Variants in B3GALT1 observed in about 807,000 individuals in gnomAD.
The protein encoded by B3GALT1 is beta-1,3-galactosyltransferase 1.
In B3GALT1, 10 loss-of-function variants were observed where a neutral mutation model predicts 23.2. The ratio of observed to expected loss-of-function variants is 0.43; its 90% CI spans 0.27 to 0.73. B3GALT1 has a LOEUF of 0.73. B3GALT1 is among the 30% of genes least tolerant of loss of function. The probability of loss-of-function intolerance (pLI) is 0.21; values close to 1 mark genes in which losing one functional copy is unlikely to be tolerated. For missense variants in B3GALT1, 299 were observed against 405.4 expected, an observed-to-expected ratio of 0.74 and a Z score of 2.25; for synonymous variants, 156 against 141.5, an observed-to-expected ratio of 1.10 and a Z score of -0.73.
At chr2:167,471,732 A>G (rs1380423673) in intron 1 of B3GALT1, among the ~76,000 whole-genome samples, 3 of 152,222 alleles carry the variant, frequency 2.0e-5, no homozygotes, top group African/African-American at 7.2e-5. Context: ...ATTAATAAAT[A>G]CACCACATAT....
At chr2:167,369,061 T>TTTTGTG (rs1697636734) in intron 1 of B3GALT1, among the ~76,000 whole-genome samples, 2 of 147,468 alleles carry the variant, frequency 1.4e-5, no homozygotes, top group African/African-American at 2.6e-5. Flanking sequence ...AAACTCTTAT[T>TTTTGTG]TGTGTGTGTG....
chr2:167,790,954 A>G (rs565680297), intron 3 of B3GALT1, among the ~76,000 whole-genome samples: 15 of 152,048 alleles, frequency 9.9e-5, no homozygotes, highest in African/African-American at 3.4e-4. Flanking sequence ...TTATTACATT[A>G]TTTTCTTCTA....
chr2:167,510,660 G>T (rs1364278224), intron 2 of B3GALT1, among the ~76,000 whole-genome samples: 2 of 151,954 alleles, frequency 1.3e-5, no homozygotes, highest in Non-Finnish European at 2.9e-5. Context: ...GATTTTCAGG[G>T]TTTTCACCTG....
In B3GALT1 at chr2:167,567,385, G is replaced by A. The variant is rs534632372; in HGVS notation, c.-410+77108G>A. Among the ~76,000 whole-genome samples, 13 of 152,108 alleles carry A rather than the reference G, an allele frequency of 8.5e-5. No individual in the cohort carries two copies. The South Asian group carries it at 2.5e-3, about 29-fold the overall frequency. On this transcript the variant is annotated intron_variant, in intron 2 of 4. Coordinates refer to ENST00000392690, the MANE Select transcript of B3GALT1 (RefSeq NM_020981.4). Reference sequence around the variant, plus strand: ...TTTTTATTTAGTTTTGATAATCCAAGGCCATCTCAAGGATGTATTAAGCTC... The same window carrying A: ...TTTTTATTTAGTTTTGATAATCCAAAGCCATCTCAAGGATGTATTAAGCTC...
At chr2:167,384,934 A>G (rs542320942) in intron 1 of B3GALT1, among the ~76,000 whole-genome samples, 39 of 151,952 alleles carry the variant, frequency 2.6e-4, no homozygotes, top group Middle Eastern at 3.4e-3. Flanking sequence ...TTTGAGCCCC[A>G]TCTCCCTCCA....
chr2:167,571,318 G>T (rs532117529), intron 2 of B3GALT1, among the ~76,000 whole-genome samples: 73 of 152,040 alleles, frequency 4.8e-4, no homozygotes, highest in Non-Finnish European at 8.8e-4. Context: ...CCTCTCCAAT[G>T]ATTTAGGCAC....
intron 1 of B3GALT1, among the ~76,000 whole-genome samples, chr2:167,456,723 C>T (rs181515233): frequency 7.9e-5 from 12 of 152,150 alleles, no homozygotes; most frequent in Middle Eastern, 3.4e-3. Context: ...AAGGATACAA[C>T]GCAAGAACAG....
Position 167,590,017 on chromosome 2 carries a change from T to C in B3GALT1, c.-409-56892T>C, listed in dbSNP as rs79144236. 8.0e-3 allele frequency among the ~76,000 whole-genome samples: 1,220 copies of C among 152,234 alleles called. 5 individuals are homozygous for C. Among genetic ancestry groups the C allele is most frequent in the South Asian group, 0.016 (79 of 4,824 alleles). ...TCTTTGAAAATCTTTTGTATTGTGT[T>C]GACAGCTGCTAACCACCTTACATCC... On this transcript the variant is annotated intron_variant, in intron 2 of 4. Coordinates refer to ENST00000392690, the MANE Select transcript of B3GALT1 (RefSeq NM_020981.4).
chr2:167,500,383 G>A (rs1478805699), intron 2 of B3GALT1, among the ~76,000 whole-genome samples: 1 of 152,140 alleles, frequency 6.6e-6, no homozygotes, highest in Non-Finnish European at 1.5e-5. Flanking sequence ...TGGGTTCAAT[G>A]TGACCAGTTT....
chr2:167,593,640 G>C (rs1029110096), intron 2 of B3GALT1, among the ~76,000 whole-genome samples: 1 of 152,174 alleles, frequency 6.6e-6, no homozygotes, highest in African/African-American at 2.4e-5. Context: ...AAATTACTGA[G>C]ATAATATGGT....
chr2:167,324,237 A>C (rs1289880961), intron 1 of B3GALT1, among the ~76,000 whole-genome samples: 2 of 152,126 alleles, frequency 1.3e-5, no homozygotes, highest in Admixed American at 1.3e-4. Flanking sequence ...ATTACCATAC[A>C]TACAGTTCTT....
chr2:167,450,812 C>A (rs1328444139), intron 1 of B3GALT1, among the ~76,000 whole-genome samples: 1 of 152,132 alleles, frequency 6.6e-6, no homozygotes, highest in Non-Finnish European at 1.5e-5. Flanking sequence ...GATTTCTTTT[C>A]TTCATCAGGA....
chr2:167,675,096 C>T (rs1346547887), intron 3 of B3GALT1, among the ~76,000 whole-genome samples: 1 of 152,162 alleles, frequency 6.6e-6, no homozygotes, highest in African/African-American at 2.4e-5. Context: ...GGTGGCTGAG[C>T]TCTTGTTTAG....
intron 1 of B3GALT1, among the ~76,000 whole-genome samples, chr2:167,402,965 C>G (rs1219736312): frequency 6.6e-6 from 1 of 152,050 alleles, no homozygotes; most frequent in Admixed American, 6.6e-5. Flanking sequence ...CCCACTCCCC[C>G]ACCCCCGATT....
chr2:167,726,876 A>G (rs903471084), intron 3 of B3GALT1, among the ~76,000 whole-genome samples: 1 of 152,220 alleles, frequency 6.6e-6, no homozygotes, highest in Non-Finnish European at 1.5e-5. Flanking sequence ...TCTGGCCTTT[A>G]ATATCTCTTT....
At chr2:167,773,213 G>A (rs959791123) in intron 3 of B3GALT1, among the ~76,000 whole-genome samples, 4 of 151,996 alleles carry the variant, frequency 2.6e-5, no homozygotes, top group Non-Finnish European at 4.4e-5. Flanking sequence ...ATTTTAGAAC[G>A]AGATAATTTA....
intron 2 of B3GALT1, among the ~76,000 whole-genome samples, chr2:167,594,106 A>G (rs997780304): frequency 1.3e-5 from 2 of 152,350 alleles, no homozygotes; most frequent in Admixed American, 6.5e-5. Context: ...CAGGTGTTCA[A>G]CATGACAAGA....
chr2:167,422,086 AGG>A (rs1184292126), intron 1 of B3GALT1, among the ~76,000 whole-genome samples: 1 of 135,494 alleles, frequency 7.4e-6, no homozygotes, highest in South Asian at 2.6e-4. Flanking sequence ...GATGAGGGAG[AGG>A]GGGAGTGCAA....
At chr2:167,470,893 A>G (rs548463526) in intron 1 of B3GALT1, among the ~76,000 whole-genome samples, 5 of 152,220 alleles carry the variant, frequency 3.3e-5, no homozygotes, top group Non-Finnish European at 7.3e-5. Flanking sequence ...TCATATAGCT[A>G]TTATAGGGGC....
Sources: allele counts gnomAD v4.1 joint callset (sites outside exome capture counted in the v4.1 genomes callset), GRCh38; gene constraint gnomAD v4.1.1; transcripts MANE v1.5; gene names NCBI Gene and HGNC (gene_info 2026-07-23, HGNC 2026-07-21).